The following DHX16 variants were observed in gnomAD, a reference collection of about 807,000 sequenced individuals.
DHX16 encodes the protein pre-mRNA-splicing factor ATP-dependent RNA helicase DHX16.
Under a neutral mutation model 131.2 loss-of-function variants are expected in DHX16, and 81 were observed. That is an observed-to-expected ratio of 0.62 (90% CI 0.52 to 0.74). The LOEUF is 0.74. DHX16 is among the 30% of genes least tolerant of loss of function. The pLI, the probability that DHX16 is intolerant of heterozygous loss-of-function variation, is 0.00. For synonymous variants in DHX16, 440 were observed against 520.2 expected, an observed-to-expected ratio of 0.85 and a Z score of 2.10; for missense variants, 980 against 1,363.1, an observed-to-expected ratio of 0.72 and a Z score of 4.43.
Position 30,656,298 on chromosome 6 carries a change from C to T in DHX16, c.2431-33G>A. 6.2e-7 allele frequency: 1 copy of T among 1,613,364 alleles called. No individual in the cohort carries two copies. On this transcript the variant is annotated intron_variant, in intron 15 of 19. Coordinates refer to ENST00000376442, the MANE Select transcript of DHX16 (RefSeq NM_003587.5). The surrounding 1 kb of genome is among the most constrained non-coding windows in gnomAD (Gnocchi z 5.1). ...GAAGAGAGAGAGAGTTGAGCCCAGT[C>T]CTCCCTCAGGTTTCCCGCTACTACT...
At chr6:30,661,200 A>C (rs1768479656) in intron 9 of DHX16, among the ~76,000 whole-genome samples, 1 of 152,106 alleles carries the variant, frequency 6.6e-6, no homozygotes, top group Non-Finnish European at 1.5e-5. Flanking sequence ...CTCCTGCCTC[A>C]GCCTCCTGAG....
chr6:30,660,443 G>T (rs547079946), intron 9 of DHX16: 26 of 447,386 alleles, frequency 5.8e-5, no homozygotes, highest in African/African-American at 5.0e-4. Flanking sequence ...CCCATGATCT[G>T]CAACCTATCC....
At position 30,656,114 on chromosome 6, in the gene DHX16, AAAAG is replaced by A; in HGVS notation, c.2498+80_2498+83del. On this transcript the variant is annotated intron_variant, in intron 16 of 19. Coordinates refer to ENST00000376442, the MANE Select transcript of DHX16 (RefSeq NM_003587.5). The surrounding 1 kb of genome is among the most constrained non-coding windows in gnomAD (Gnocchi z 5.1). ...GTTAAGGGATAGTATGATGAACAGA[AAAAG>A]ACAGACAAAGGGGACCCTGGAGACA... 7.4e-7 allele frequency: 1 copy of A among 1,349,020 alleles called. No individual in the cohort carries two copies. Among genetic ancestry groups the A allele is most frequent in the African/African-American group, 1.4e-5 (1 of 69,804 alleles). 83.6% of individuals were successfully genotyped at this position (1,349,020 alleles called of 1,614,324 possible).
chr6:30,662,810 G>A lies in DHX16; in HGVS notation c.1429-68C>T. 1 of 1,562,430 alleles carries A rather than the reference G, an allele frequency of 6.4e-7. No individual in the cohort carries two copies. The highest frequency in any genetic ancestry group is 2.1e-4 in the Middle Eastern group (1 of 4,656). Reference sequence around the variant, plus strand: ...CCCTGAAAGGAACTTGGGGAAAGGTGAAGTGGGGCAGCACCAAGACTTCTG... The same window carrying A: ...CCCTGAAAGGAACTTGGGGAAAGGTAAAGTGGGGCAGCACCAAGACTTCTG... On this transcript the variant is annotated intron_variant, in intron 8 of 19. Transcript: ENST00000376442. This position sits in a 1 kb window ranked among gnomAD's most constrained non-coding sequence, Gnocchi z 4.7.
Position 30,670,561 on chromosome 6 carries a change from GCCCT to G in DHX16, c.610-99_610-96del. Reference sequence around the variant, plus strand: ...AGAATCACAAGGATCATTCAGATGCGCCCTAACACAAAAAATGTCCCCTCTCAGT... The same window carrying G: ...AGAATCACAAGGATCATTCAGATGCGAACACAAAAAATGTCCCCTCTCAGT... On this transcript the variant is annotated intron_variant, in intron 3 of 19. Coordinates refer to ENST00000376442, the MANE Select transcript of DHX16 (RefSeq NM_003587.5). This position sits in a 1 kb window ranked among gnomAD's most constrained non-coding sequence, Gnocchi z 4.4. The G allele has an allele frequency of 7.3e-7, 1 of 1,373,052 alleles. No homozygotes were observed. Among genetic ancestry groups the G allele is most frequent in the Admixed American group, 2.1e-5 (1 of 48,282 alleles). 85.1% of individuals were successfully genotyped at this position (1,373,052 alleles called of 1,614,324 possible). A position where few individuals can be genotyped will look rare whatever the true frequency, so the allele number is the denominator to read the frequency against.
intron 12 of DHX16, among the ~76,000 whole-genome samples, chr6:30,657,789 C>T (rs567605875): frequency 1.5e-4 from 23 of 152,248 alleles, no homozygotes; most frequent in South Asian, 6.2e-4. Flanking sequence ...CCACTTTCCC[C>T]TTACTGAAGA....
rs1769448052 is a variant in DHX16, at chr6:30,670,660, CCA to C, written c.609+128_609+129del. 7.3e-7 allele frequency: 1 copy of C among 1,367,760 alleles called. No individual in the cohort carries two copies. Among genetic ancestry groups the C allele is most frequent in the Non-Finnish European group, 1.0e-6 (1 of 989,344 alleles). The allele number at this position is 1,367,760 out of a possible 1,614,324, so 84.7% of individuals were successfully genotyped here. A position where few individuals can be genotyped will look rare whatever the true frequency, so the allele number is the denominator to read the frequency against. ...CACAGGATGCACAGGGCTTCTCTCA[CCA>C]CAGAGGTGAACATCTCACTAGAGAC... On this transcript the variant is annotated intron_variant, in intron 3 of 19. Transcript: ENST00000376442. This position sits in a 1 kb window ranked among gnomAD's most constrained non-coding sequence, Gnocchi z 4.4.
intron 1 of DHX16, among the ~76,000 whole-genome samples, chr6:30,672,355 G>T (rs1296715584): frequency 6.6e-6 from 1 of 151,210 alleles, no homozygotes; most frequent in Non-Finnish European, 1.5e-5. Context: ...AAGAAATGCA[G>T]AAACTAAGAT....
At chr6:30,667,882 T>C (rs1769191480) in intron 4 of DHX16, among the ~76,000 whole-genome samples, 1 of 152,142 alleles carries the variant, frequency 6.6e-6, no homozygotes, top group African/African-American at 2.4e-5. Flanking sequence ...CACCACAAGA[T>C]AAGAATCAGG....
At position 30,654,710 on chromosome 6, in the gene DHX16, C is replaced by T. The variant is rs750695598; in HGVS notation, c.2993G>A (p.Arg998Lys). The change falls in exon 19 of 20, where the codon AGA becomes AAA. Residue 998 changes from arginine (R) to lysine (K), a missense_variant. By Grantham distance (26) the Arg-to-Lys change is conservative. Transcript: ENST00000376442. ...ELVLTTKEFM[R>K]QVLEIESSWL... ...GGCACAGGATGTTCTCCTCACCTGT[C>T]TCATGAACTCTTTGGTGGTCAAGAC... 1 of 1,611,658 alleles carries T rather than the reference C, an allele frequency of 6.2e-7. No homozygotes were observed. Among genetic ancestry groups the T allele is most frequent in the Non-Finnish European group, 8.5e-7 (1 of 1,179,244 alleles).
At chr6:30,654,977 A>T in intron 18 of DHX16, 98 bp from the exon 19 acceptor site, 1 of 1,442,052 alleles carries the variant, frequency 6.9e-7, no homozygotes, top group Non-Finnish European at 9.4e-7. Flanking sequence ...GGAAAACTAG[A>T]GAGGTAAGGA....
chr6:30,660,143 G>A lies in DHX16; in HGVS notation c.1644C>T (p.Val548=), dbSNP rs1180768329. 6.2e-7 allele frequency: 1 copy of A among 1,608,898 alleles called. No individual in the cohort carries two copies. Among genetic ancestry groups the A allele is most frequent in the African/African-American group, 1.3e-5 (1 of 74,926 alleles). The change falls in exon 10 of 20, where the codon GTC becomes GTT. Residue 548 remains valine (V), a synonymous_variant. Coordinates refer to ENST00000376442, the MANE Select transcript of DHX16 (RefSeq NM_003587.5). ...TGTCCATTGTGGCTGAAGCCACCAG[G>A]ACCTTGAGCTCAGGTCGGAAGCGAG... The part of the protein sequence containing the change: ...DVARFRPELK[V]LVASATMDTA...
rs1769718856 is a variant in DHX16, at chr6:30,672,907, C to A, written c.-66G>T. 15 of 1,596,406 alleles carry A rather than the reference C, an allele frequency of 9.4e-6. No individual in the cohort carries two copies. The highest frequency in any genetic ancestry group is 1.8e-5 in the Admixed American group (1 of 56,982). On this transcript the variant is annotated 5_prime_UTR_variant, in exon 1 of 20. Coordinates refer to ENST00000376442, the MANE Select transcript of DHX16 (RefSeq NM_003587.5). The stretch of plus-strand genomic sequence containing the variant: ...CAGCCGCGCTCACTGCTGGGCCGGT[C>A]AGAGGCCTGGAGCCCTCGGCTGGAG...
chr6:30,670,652 T>C lies in DHX16; in HGVS notation c.609+138A>G. The C allele has an allele frequency of 7.6e-7, 1 of 1,309,854 alleles. No homozygotes were observed. The highest frequency in any genetic ancestry group is 1.1e-6 in the Non-Finnish European group (1 of 941,828). The allele number at this position is 1,309,854 out of a possible 1,614,324, so 81.1% of individuals were successfully genotyped here. A position where few individuals can be genotyped will look rare whatever the true frequency, so the allele number is the denominator to read the frequency against. Reference sequence around the variant, plus strand: ...GTCTTAGCCACAGGATGCACAGGGCTTCTCTCACCACAGAGGTGAACATCT... The same window carrying C: ...GTCTTAGCCACAGGATGCACAGGGCCTCTCTCACCACAGAGGTGAACATCT... On this transcript the variant is annotated intron_variant, in intron 3 of 19. Transcript: ENST00000376442. This position sits in a 1 kb window ranked among gnomAD's most constrained non-coding sequence, Gnocchi z 4.4.
At position 30,665,286 on chromosome 6, in the gene DHX16, G is replaced by T; in HGVS notation, c.922-12C>A. Reference sequence around the variant, plus strand: ...ACAGCTCGGGCTGGCTACAGAGAGAGGGGATATGTGAAGACTCAAAAACAG... The same window carrying T: ...ACAGCTCGGGCTGGCTACAGAGAGATGGGATATGTGAAGACTCAAAAACAG... On this transcript the variant is annotated splice_polypyrimidine_tract_variant and intron_variant, in intron 5 of 19. Coordinates refer to ENST00000376442, the MANE Select transcript of DHX16 (RefSeq NM_003587.5). The surrounding 1 kb of genome is among the most constrained non-coding windows in gnomAD (Gnocchi z 4.8). 1 of 1,600,608 alleles carries T rather than the reference G, an allele frequency of 6.2e-7. No homozygotes were observed. Among genetic ancestry groups the T allele is most frequent in the Non-Finnish European group, 8.5e-7 (1 of 1,179,156 alleles).
rs1309378629 is a variant in DHX16, at chr6:30,671,286, G to A, written c.208-12C>T. The A allele has an allele frequency of 7.4e-6, 12 of 1,611,468 alleles. No homozygotes were observed. The African/African-American group carries it at 8.0e-5, about 11-fold the overall frequency. On this transcript the variant is annotated splice_polypyrimidine_tract_variant and intron_variant, in intron 1 of 19. Coordinates refer to ENST00000376442, the MANE Select transcript of DHX16 (RefSeq NM_003587.5). ...GCCTTTCGTGGTACCTGTCAGTAGA[G>A]GGGAAGATAAGGAGGTCTGAGCAAC... is the stretch of plus-strand genomic sequence containing the variant.
intron 9 of DHX16, 177 bp from the exon 10 acceptor site, chr6:30,660,419 GAGA>G (rs1468021237): frequency 2.0e-6 from 1 of 489,854 alleles, no homozygotes; most frequent in African/African-American, 2.0e-5. Context: ...CAGAAAGTCA[GAGA>G]AGGCCAGGGC....
Position 30,659,454 on chromosome 6 carries a change from T to G in DHX16, c.2007+18A>C. ...GTGGGAAGCATAGGGGTGAAGAGTG[T>G]GGGTTTCTCCAACTGACCTTTCGTG... On this transcript the variant is annotated intron_variant, in intron 12 of 19. Coordinates refer to ENST00000376442, the MANE Select transcript of DHX16 (RefSeq NM_003587.5). 6.4e-7 allele frequency: 1 copy of G among 1,574,088 alleles called. No individual in the cohort carries two copies. The highest frequency in any genetic ancestry group is 8.6e-7 in the Non-Finnish European group (1 of 1,159,972).
chr6:30,672,821 C>T lies in DHX16; in HGVS notation c.21G>A (p.Leu7=), dbSNP rs901728495. ...GCAGCTCGTCCTGAACCCAGCGCTC[C>T]AGACCCGCCGGCGTCGCCATGGCGA... MATPAG[L]ERWVQDELHS... The change falls in exon 1 of 20, where the codon CTG becomes CTA. Residue 7 remains leucine (L), a synonymous_variant. Coordinates refer to ENST00000376442, the MANE Select transcript of DHX16 (RefSeq NM_003587.5). 4 of 1,612,370 alleles carry T rather than the reference C, an allele frequency of 2.5e-6. No homozygotes were observed. The highest frequency in any genetic ancestry group is 3.4e-6 in the Non-Finnish European group (4 of 1,179,674).
Sources: gnomAD v4.1 joint callset for allele counts (sites outside exome capture counted in the v4.1 genomes callset) on GRCh38, gnomAD v4.1.1 for gene constraint, Gnocchi (gnomAD v3.1) non-coding constraint, MANE v1.5 for transcripts, NCBI Gene and HGNC (gene_info 2026-07-23, HGNC 2026-07-21) for gene names.